Variants in GPR107 observed in about 807,000 individuals in gnomAD.
The protein encoded by GPR107 is protein GPR107.
A neutral mutation model predicts 75.5 loss-of-function variants in GPR107; 31 were observed. The observed-to-expected ratio is 0.41, with a 90% CI of 0.31 to 0.55. The LOEUF (loss-of-function observed/expected upper bound fraction) is 0.55, where lower values mean the gene tolerates loss of function less well. Among genes scored for constraint, GPR107 ranks in the 20% least tolerant of loss-of-function variants. The pLI is 0.26. For synonymous variants in GPR107, 267 were observed against 251.3 expected, an observed-to-expected ratio of 1.06 and a Z score of -0.59; for missense variants, 572 against 665.7, an observed-to-expected ratio of 0.86 and a Z score of 1.55.
chr9:130,114,564 T>C (rs1303676880), intron 14 of GPR107: 1 of 443,418 alleles, frequency 2.3e-6, no homozygotes, highest in African/African-American at 2.1e-5. Flanking sequence ...TAAAATTTTT[T>C]TTGTGGAGAT....
chr9:130,077,808 C>T (rs1037090971), intron 4 of GPR107, among the ~76,000 whole-genome samples: 1 of 152,220 alleles, frequency 6.6e-6, no homozygotes, highest in African/African-American at 2.4e-5. Flanking sequence ...TCCTTACCTA[C>T]TTCGTGATGA....
chr9:130,089,860 G>A (rs1343808924), intron 7 of GPR107, among the ~76,000 whole-genome samples: 1 of 152,098 alleles, frequency 6.6e-6, no homozygotes, highest in Middle Eastern at 3.2e-3. Context: ...TTTGTCAGAT[G>A]TCTATTTTTC....
rs1211413680 is a variant in GPR107, at chr9:130,140,017, A to C, written c.*4896A>C. ...AGATTGGGATGCAGAAGGAGTTTTC[A>C]GTATTTTTTTTAAAACACTAATGAT... On this transcript the variant is annotated 3_prime_UTR_variant, in exon 18 of 18. Coordinates refer to ENST00000347136, the MANE Select transcript of GPR107 (RefSeq NM_020960.5). This position sits in a 1 kb window ranked among gnomAD's most constrained non-coding sequence, Gnocchi z 4.0. 1 of 152,206 alleles carries C rather than the reference A, an allele frequency of 6.6e-6. No individual in the cohort carries two copies. Among genetic ancestry groups the C allele is most frequent in the African/African-American group, 2.4e-5 (1 of 41,450 alleles). The allele number at this position is 152,206 out of a possible 1,614,324, so 9.4% of individuals were successfully genotyped here. A position where few individuals can be genotyped will look rare whatever the true frequency, so the allele number is the denominator to read the frequency against.
intron 1 of GPR107, among the ~76,000 whole-genome samples, chr9:130,066,791 C>A (rs1830079439): frequency 6.6e-6 from 1 of 152,130 alleles, no homozygotes; most frequent in Non-Finnish European, 1.5e-5. Flanking sequence ...CGAGACCATC[C>A]TGGCTAACAC....
Position 130,085,754 on chromosome 9 carries a change from A to ATTTTTTTTTGTTTTTTTTTTTTTTTTTTT in GPR107, c.565-657_565-656insGTTTTTTTTTTTTTTTTTTTTTTTTTTTT, listed in dbSNP as rs1830598819. Among the ~76,000 whole-genome samples, 4 of 78,672 alleles carry ATTTTTTTTTGTTTTTTTTTTTTTTTTTTT rather than the reference A, an allele frequency of 5.1e-5. 1 individual carries two copies. Among genetic ancestry groups the ATTTTTTTTTGTTTTTTTTTTTTTTTTTTT allele is most frequent in the East Asian group, 4.9e-4 (1 of 2,030 alleles). 51.6% of individuals were successfully genotyped at this position (78,672 alleles called of 152,430 possible). ...TTACTGTATAAATGGCAATATTTTG[A>ATTTTTTTTTGTTTTTTTTTTTTTTTTTTT]TTTTTTTTTTTTTTTTTGCCGGGGG... On this transcript the variant is annotated intron_variant, in intron 6 of 17. Transcript: ENST00000347136.
chr9:130,106,195 A>G (rs574480431), intron 13 of GPR107, among the ~76,000 whole-genome samples: 1 of 152,306 alleles, frequency 6.6e-6, no homozygotes, highest in Admixed American at 6.5e-5. Context: ...CTTGTTAATT[A>G]CAACACTAAT....
intron 9 of GPR107, among the ~76,000 whole-genome samples, chr9:130,096,756 C>A (rs904276757): frequency 6.6e-6 from 1 of 152,106 alleles, no homozygotes; most frequent in Non-Finnish European, 1.5e-5. Flanking sequence ...CTGCGTCTGG[C>A]CTGATTTTTG....
At chr9:130,120,882 C>CCTT (rs3983769) in intron 14 of GPR107, 150,369 of 152,182 alleles carry the variant, frequency 0.99, 74,302 homozygotes, top group East Asian at 1. Context: ...CTGCTCTTTC[C>CCTT]CTTCTCACTG....
intron 12 of GPR107, among the ~76,000 whole-genome samples, chr9:130,101,539 G>A (rs1831032074): frequency 6.6e-6 from 1 of 152,222 alleles, no homozygotes; most frequent in South Asian, 2.1e-4. Flanking sequence ...TAACTAAATG[G>A]TGCCCTTGGC....
chr9:130,085,937 G>C (rs2132581047), intron 6 of GPR107, among the ~76,000 whole-genome samples: 1 of 152,032 alleles, frequency 6.6e-6, no homozygotes, highest in South Asian at 2.1e-4. Context: ...TTTTAGTAGA[G>C]ATGGGGTTTC....
At chr9:130,101,828 AC>A in intron 12 of GPR107, among the ~76,000 whole-genome samples, 1 of 152,306 alleles carries the variant, frequency 6.6e-6, no homozygotes, top group East Asian at 1.9e-4. Flanking sequence ...GCTCTGCTTG[AC>A]CAGACAGCGT....
intron 16 of GPR107, 87 bp downstream of exon 16, chr9:130,127,653 TC>T (rs772131352): frequency 1.1e-4 from 82 of 766,000 alleles, no homozygotes; most frequent in Non-Finnish European, 1.7e-4. Context: ...TACTAATTTA[TC>T]TGGGAATGAC....
chr9:130,111,962 A>G (rs762921854), intron 14 of GPR107, among the ~76,000 whole-genome samples: 1 of 151,962 alleles, frequency 6.6e-6, no homozygotes, highest in Non-Finnish European at 1.5e-5. Context: ...TCGCACAGAC[A>G]CACCTAGCGC....
Position 130,090,831 on chromosome 9 carries a change from G to A in GPR107, c.622-45G>A, listed in dbSNP as rs779102741. On this transcript the variant is annotated intron_variant, in intron 7 of 17. Coordinates refer to ENST00000347136, the MANE Select transcript of GPR107 (RefSeq NM_020960.5). ...AAAAATAAAAGAAAAAATATATATCGCTGAGGATTTGGGTACCTTTAAATG... is the reference window on the plus strand; with the variant it reads ...AAAAATAAAAGAAAAAATATATATCACTGAGGATTTGGGTACCTTTAAATG... 1.7e-5 allele frequency: 12 copies of A among 689,254 alleles called. No homozygotes were observed. In the South Asian group the frequency reaches 2.1e-4, roughly 12 times the overall value. The allele number at this position is 689,254 out of a possible 1,614,324, so 42.7% of individuals were successfully genotyped here. A position where few individuals can be genotyped will look rare whatever the true frequency, so the allele number is the denominator to read the frequency against.
chr9:130,090,436 C>T (rs747778391), intron 7 of GPR107, among the ~76,000 whole-genome samples: 1 of 152,010 alleles, frequency 6.6e-6, no homozygotes, highest in African/African-American at 2.4e-5. Context: ...CAAAATAATA[C>T]GTTAGCTTGA....
rs10819601 is a variant in GPR107 at position 130,139,124 on chromosome 9, C to G, written c.*4003C>G. ...CCCGCCCCTGGCCTTGTAAGACTCA[C>G]GTAAGCTAAGTCCAGGATGCCTGTG... On this transcript the variant is annotated 3_prime_UTR_variant, in exon 18 of 18. Transcript: ENST00000347136. 6.6e-6 allele frequency: 1 copy of G among 152,160 alleles called. No homozygotes were observed. Among genetic ancestry groups the G allele is most frequent in the Admixed American group, 6.5e-5 (1 of 15,270 alleles). The allele number at this position is 152,160 out of a possible 1,614,324, so 9.4% of individuals were successfully genotyped here.
intron 1 of GPR107, among the ~76,000 whole-genome samples, chr9:130,055,838 G>A (rs1829774646): frequency 6.6e-6 from 1 of 151,244 alleles, no homozygotes; most frequent in Admixed American, 6.6e-5. Flanking sequence ...CAGCTACTTG[G>A]GAGGCTGAGA....
chr9:130,094,181 A>G (rs1830807544), intron 9 of GPR107, among the ~76,000 whole-genome samples: 1 of 152,078 alleles, frequency 6.6e-6, no homozygotes, highest in African/African-American at 2.4e-5. Flanking sequence ...GCGGTGGTAC[A>G]CGCCTGTAAT....
At chr9:130,128,907 A>T in intron 17 of GPR107, 146 bp downstream of exon 17, 1 of 710,724 alleles carries the variant, frequency 1.4e-6, no homozygotes, top group Admixed American at 2.6e-5. Flanking sequence ...CGGACACTGG[A>T]GCCCCAGGCT....
Sources: allele counts gnomAD v4.1 joint callset (sites outside exome capture counted in the v4.1 genomes callset), GRCh38; gene constraint gnomAD v4.1.1; non-coding constraint Gnocchi (gnomAD v3.1); transcripts MANE v1.5; gene names NCBI Gene and HGNC (gene_info 2026-07-23, HGNC 2026-07-21).